Variants in CSMD3 observed in about 807,000 individuals in gnomAD.
CSMD3 encodes the protein CUB and sushi domain-containing protein 3.
In CSMD3, 177 loss-of-function variants were observed where a neutral mutation model predicts 435.2. That is an observed-to-expected ratio of 0.41 (90% CI 0.36 to 0.46). The LOEUF is 0.46. CSMD3 is among the 20% of genes least tolerant of loss of function. The probability of loss-of-function intolerance (pLI) is 0.34; values close to 1 mark genes in which losing one functional copy is unlikely to be tolerated. For missense variants in CSMD3, 4,265 were observed against 4,504.6 expected (o/e 0.95, Z 1.52); for synonymous variants, 1,656 against 1,520.5 (o/e 1.09, Z -2.07).
At chr8:112,298,955 A>G (rs1020520800) in intron 53 of CSMD3, among the ~76,000 whole-genome samples, 1 of 152,130 alleles carries the variant, frequency 6.6e-6, no homozygotes, top group Non-Finnish European at 1.5e-5. Flanking sequence ...CTAAAACTGG[A>G]CATAGCCCAT....
chr8:112,534,861 C>A (rs554189351), intron 27 of CSMD3, among the ~76,000 whole-genome samples: 46 of 152,192 alleles, frequency 3.0e-4, no homozygotes, highest in African/African-American at 1.1e-3. Flanking sequence ...CCCTGGGATG[C>A]AAGGCTGGTT....
chr8:113,002,722 T>A (rs906256341), intron 6 of CSMD3, among the ~76,000 whole-genome samples: 1 of 152,118 alleles, frequency 6.6e-6, no homozygotes, highest in Admixed American at 6.6e-5. Flanking sequence ...ATACAACCTC[T>A]TTCTTGTGTT....
At chr8:112,455,591 GTAAATAAATAAATAAA>G (rs71309770) in intron 32 of CSMD3, among the ~76,000 whole-genome samples, 14 of 149,622 alleles carry the variant, frequency 9.4e-5, no homozygotes, top group South Asian at 4.2e-4. Flanking sequence ...AAATAAGTAA[GTAAATAAATAAATAAA>G]TAAATAAATA....
chr8:113,249,146 C>T (rs965178520), intron 3 of CSMD3, among the ~76,000 whole-genome samples: 8 of 151,946 alleles, frequency 5.3e-5, no homozygotes, highest in African/African-American at 1.4e-4. Context: ...TTTTGCCTGC[C>T]GCCATGTAAG....
chr8:112,552,813 G>T, intron 25 of CSMD3, 93 bp from the exon 26 acceptor site: 1 of 1,132,852 alleles, frequency 8.8e-7, no homozygotes, highest in Non-Finnish European at 1.3e-6. Context: ...AAAGAATACT[G>T]ATTTTCTTGT....
intron 5 of CSMD3, among the ~76,000 whole-genome samples, chr8:113,053,645 A>G (rs1217364936): frequency 6.6e-6 from 1 of 152,068 alleles, no homozygotes; most frequent in Admixed American, 6.5e-5. Flanking sequence ...ACAAATTTTT[A>G]AAGAAGTTTG....
chr8:112,514,573 A>T (rs891450625), intron 28 of CSMD3, among the ~76,000 whole-genome samples: 2 of 152,122 alleles, frequency 1.3e-5, no homozygotes, highest in African/African-American at 4.8e-5. Flanking sequence ...ACTCACATTA[A>T]TGTCTTTCCT....
chr8:112,258,582 A>G (rs1484802845), intron 61 of CSMD3, among the ~76,000 whole-genome samples: 1 of 152,244 alleles, frequency 6.6e-6, no homozygotes, highest in East Asian at 1.9e-4. Context: ...ATGAGATACC[A>G]TCTCATGCCA....
intron 4 of CSMD3, among the ~76,000 whole-genome samples, chr8:113,134,770 G>A (rs1773477648): frequency 6.6e-6 from 1 of 151,938 alleles, no homozygotes; most frequent in African/African-American, 2.4e-5. Flanking sequence ...CCTGAGGTTA[G>A]GTAATTAATT....
intron 10 of CSMD3, among the ~76,000 whole-genome samples, chr8:112,912,187 T>G (rs1433211541): frequency 6.6e-6 from 1 of 151,404 alleles, no homozygotes; most frequent in Non-Finnish European, 1.5e-5. Context: ...TGATTACATA[T>G]CTTGGCTACT....
chr8:112,337,625 T>C lies in CSMD3; in HGVS notation c.6759A>G (p.Gly2253=), dbSNP rs763164048. The C allele has an allele frequency of 6.4e-5, 104 of 1,613,234 alleles. No homozygotes were observed. Among genetic ancestry groups the C allele is most frequent in the Middle Eastern group, 1.6e-4 (1 of 6,084 alleles). Residue 2253 remains glycine, a synonymous_variant, in exon 43 of 71, where the codon GGA becomes GGG. Transcript: ENST00000297405. The part of the protein sequence containing the change: ...GQTISFECFP[G]YTLIGNSALT... The stretch of plus-strand genomic sequence containing the variant: ...GAGCTGAATTTCCAATTAATGTGTA[T>C]CCTGGGAAACATTCAAATGAAATGG...
At chr8:113,240,994 A>C (rs186650418) in intron 3 of CSMD3, among the ~76,000 whole-genome samples, 3 of 152,288 alleles carry the variant, frequency 2.0e-5, no homozygotes, top group Admixed American at 2.0e-4. Flanking sequence ...TATTACGGGA[A>C]CAAGTTGGAT....
intron 32 of CSMD3, among the ~76,000 whole-genome samples, chr8:112,437,386 AG>A (rs1814480877): frequency 6.6e-6 from 1 of 152,112 alleles, no homozygotes; most frequent in African/African-American, 2.4e-5. Context: ...TTACAGAAAA[AG>A]TTTATGATTT....
In CSMD3 at chr8:113,278,684, G is replaced by A; in HGVS notation, c.422C>T (p.Pro141Leu). ...AGATTTGGTACTTGTCACTGGAGGT[G>A]GCAGATGGAATCCTGTTAACCTAAA... ...FRTRLTGFHL[P>L]PPVTSTKSVF... Residue 141 changes from proline to leucine, a missense_variant, in exon 3 of 71, where the codon CCA becomes CTA. Pro to Leu is a moderately conservative substitution (Grantham distance 98). Coordinates refer to ENST00000297405, the MANE Select transcript of CSMD3 (RefSeq NM_198123.2). The A allele has an allele frequency of 6.3e-7, 1 of 1,578,044 alleles. No individual in the cohort carries two copies. Among genetic ancestry groups the A allele is most frequent in the East Asian group, 2.2e-5 (1 of 44,630 alleles).
At chr8:113,273,061 C>T (rs893578715) in intron 3 of CSMD3, among the ~76,000 whole-genome samples, 9 of 151,550 alleles carry the variant, frequency 5.9e-5, no homozygotes, top group Non-Finnish European at 1.2e-4. Context: ...GATAGATATC[C>T]CAATTACTCT....
Position 113,436,931 on chromosome 8 carries a change from G to T in CSMD3, c.-77C>A. The T allele has an allele frequency of 6.6e-7, 1 of 1,504,568 alleles. No homozygotes were observed. The highest frequency in any genetic ancestry group is 9.2e-7 in the Non-Finnish European group (1 of 1,084,040). The allele number at this position is 1,504,568 out of a possible 1,614,324, so 93.2% of individuals were successfully genotyped here. A position where few individuals can be genotyped will look rare whatever the true frequency, so the allele number is the denominator to read the frequency against. ...TTGCTGTTGTTGGTGCGCGGTCACA[G>T]CTCGGAGTGAATGGTGTTTCTGGGA... On this transcript the variant is annotated 5_prime_UTR_variant, in exon 1 of 71. It adds an upstream start codon to the 5' untranslated region. Transcript: ENST00000297405.
intron 4 of CSMD3, among the ~76,000 whole-genome samples, chr8:113,115,720 T>C (rs1301886688): frequency 1.3e-5 from 2 of 152,244 alleles, no homozygotes; most frequent in Non-Finnish European, 2.9e-5. Context: ...GAGATATGGT[T>C]ATTATGTCTA....
At chr8:112,493,478 C>A (rs933959082) in intron 30 of CSMD3, among the ~76,000 whole-genome samples, 19 of 152,068 alleles carry the variant, frequency 1.2e-4, no homozygotes, top group African/African-American at 4.6e-4. Context: ...GTCTGCCCTG[C>A]AACCATTTTT....
chr8:112,428,307 A>G (rs538934626), intron 32 of CSMD3, among the ~76,000 whole-genome samples: 1 of 152,298 alleles, frequency 6.6e-6, no homozygotes, highest in South Asian at 2.1e-4. Flanking sequence ...GTACAAAAAA[A>G]TATATTCTCA....
Sources: gnomAD v4.1 joint callset for allele counts (sites outside exome capture counted in the v4.1 genomes callset) on GRCh38, gnomAD v4.1.1 for gene constraint, MANE v1.5 for transcripts, NCBI Gene and HGNC (gene_info 2026-07-23, HGNC 2026-07-21) for gene names.